EVC2: variants seen among roughly 807,000 people sequenced by gnomAD.
EVC2 encodes limbin.
In EVC2, 148 loss-of-function variants were observed where a neutral mutation model predicts 149.3. That is an observed-to-expected ratio of 0.99 (90% CI 0.87 to 1.14). EVC2 has a LOEUF of 1.14. EVC2 is among the 50% of genes most tolerant of loss of function. EVC2 has a pLI of 0.00. For missense variants in EVC2, 1,854 were observed against 1,627.3 expected, an observed-to-expected ratio of 1.14 and a Z score of -2.40; for synonymous variants, 776 against 649.9, an observed-to-expected ratio of 1.19 and a Z score of -2.95.
intron 7 of EVC2, among the ~76,000 whole-genome samples, chr4:5,674,681 G>A (rs1003827041): frequency 6.6e-6 from 1 of 152,200 alleles, no homozygotes; most frequent in African/African-American, 2.4e-5. Flanking sequence ...TGCAAAACCA[G>A]AGCGTAATGG....
At chr4:5,568,755 G>A (rs1722469521) in intron 19 of EVC2, 115 bp from the exon 20 acceptor site, 3 of 1,217,212 alleles carry the variant, frequency 2.5e-6, no homozygotes, top group Non-Finnish European at 3.5e-6. Flanking sequence ...TATTTCAGTA[G>A]CTTAGTCTGG....
rs188066558 is a variant in EVC2, at chr4:5,696,296, A to G, written c.283+1297T>C. Among the ~76,000 whole-genome samples the G allele has an allele frequency of 6.2e-4, 95 of 152,054 alleles. No individual in the cohort carries two copies. The highest frequency in any genetic ancestry group is 2.2e-3 in the African/African-American group (90 of 41,476). ...CTCCTGGTCCTCAGCTTTAATGAAGACTCCAAAGTGATCCCTCCCTTCAGA... is the reference window on the plus strand; with the variant it reads ...CTCCTGGTCCTCAGCTTTAATGAAGGCTCCAAAGTGATCCCTCCCTTCAGA... On this transcript the variant is annotated intron_variant, in intron 2 of 21. Transcript: ENST00000344408. The surrounding 1 kb of genome is among the most constrained non-coding windows in gnomAD (Gnocchi z 4.1).
intron 9 of EVC2, among the ~76,000 whole-genome samples, chr4:5,655,543 GC>G (rs1275428447): frequency 1.3e-5 from 2 of 152,056 alleles, no homozygotes; most frequent in East Asian, 3.9e-4. Context: ...AGTCTTAATG[GC>G]CCTTTAGACC....
intron 9 of EVC2, among the ~76,000 whole-genome samples, chr4:5,655,933 T>A (rs906509998): frequency 1.3e-5 from 2 of 152,164 alleles, no homozygotes; most frequent in Non-Finnish European, 2.9e-5. Flanking sequence ...TGAAGTGAGA[T>A]GGTTCAATTC....
At position 5,576,163 on chromosome 4, in the gene EVC2, G is replaced by C; in HGVS notation, c.3272+77C>G. 1 of 1,611,346 alleles carries C rather than the reference G, an allele frequency of 6.2e-7. No individual in the cohort carries two copies. Among genetic ancestry groups the C allele is most frequent in the Admixed American group, 1.7e-5 (1 of 60,026 alleles). On this transcript the variant is annotated intron_variant, in intron 18 of 21. Transcript: ENST00000344408. The surrounding 1 kb of genome is among the most constrained non-coding windows in gnomAD (Gnocchi z 4.5). ...GTGAGAGCCCAGGTGGGTATGGGTG[G>C]GCTGAGTTGGAGATGCCAGGTTCTC...
At chr4:5,554,553 A>T (rs796474098) in intron 21 of EVC2, among the ~76,000 whole-genome samples, 6 of 152,294 alleles carry the variant, frequency 3.9e-5, no homozygotes, top group African/African-American at 1.4e-4. Flanking sequence ...GCATTGTGTA[A>T]GTCTGAAGCA....
downstream of EVC2, among the ~76,000 whole-genome samples, chr4:5,559,494 C>T (rs565990317): frequency 6.6e-6 from 1 of 152,162 alleles, no homozygotes; most frequent in African/African-American, 2.4e-5. The surrounding 1 kb of genome is among the most constrained non-coding windows in gnomAD (Gnocchi z 5.0). Context: ...GAATCAGACT[C>T]CTTGGAGAAA....
At chr4:5,542,840 G>A in exon 23 of EVC2, 1 of 281,628 alleles carries the variant, frequency 3.6e-6, no homozygotes, top group Non-Finnish European at 7.0e-6. Flanking sequence ...TGTCAGCGCA[G>A]TGTGCCCACA....
At chr4:5,694,743 G>A (rs180801153) in intron 2 of EVC2, among the ~76,000 whole-genome samples, 2 of 152,306 alleles carry the variant, frequency 1.3e-5, no homozygotes, top group African/African-American at 4.8e-5. Context: ...CCTGGGTTGT[G>A]CAGCCCCACC....
At chr4:5,542,706 G>C (rs1721536817), downstream of EVC2, 1 of 163,364 alleles carries the variant, frequency 6.1e-6, no homozygotes, top group South Asian at 1.7e-4. Context: ...ACCCGACCTT[G>C]CAGAGCTGTT....
chr4:5,684,799 G>T (rs7669614), intron 6 of EVC2, among the ~76,000 whole-genome samples: 1 of 152,222 alleles, frequency 6.6e-6, no homozygotes, highest in South Asian at 2.1e-4. Flanking sequence ...GTAAAGTGAG[G>T]TTGCTAGGCT....
At chr4:5,672,421 A>T (rs1649708947) in intron 7 of EVC2, among the ~76,000 whole-genome samples, 1 of 152,134 alleles carries the variant, frequency 6.6e-6, no homozygotes, top group Non-Finnish European at 1.5e-5. Flanking sequence ...TAGAAAGACA[A>T]CTCTGGCCGC....
At chr4:5,578,041 G>GA (rs34899097) in intron 17 of EVC2, among the ~76,000 whole-genome samples, 75,183 of 151,946 alleles carry the variant, frequency 0.49, 21,015 homozygotes, top group East Asian at 0.86. Context: ...GAATGGAATA[G>GA]AGGTGGAAAT....
rs184672311 is a variant in EVC2 at position 5,682,148 on chromosome 4, T to C, written c.817-835A>G. On this transcript the variant is annotated intron_variant, in intron 6 of 21. Transcript: ENST00000344408. ...GGAATGCTATAAAATATTACTGCTATTGGTGGCTGTAGGTAGTAGTAGTAA... is the reference window on the plus strand; with the variant it reads ...GGAATGCTATAAAATATTACTGCTACTGGTGGCTGTAGGTAGTAGTAGTAA... 4.6e-5 allele frequency among the ~76,000 whole-genome samples: 7 copies of C among 152,294 alleles called. No homozygotes were observed. In the East Asian group the frequency reaches 1.3e-3, roughly 29 times the overall value.
chr4:5,690,797 C>T (rs1256796984), intron 4 of EVC2, among the ~76,000 whole-genome samples: 2 of 152,182 alleles, frequency 1.3e-5, no homozygotes, highest in Non-Finnish European at 2.9e-5. Flanking sequence ...CTGTAATGAA[C>T]TGTAACTGAG....
rs374176066 is a variant in EVC2, at chr4:5,704,632, A to G, written c.228+3654T>C. 2.5e-4 allele frequency among the ~76,000 whole-genome samples: 38 copies of G among 152,312 alleles called. No individual in the cohort carries two copies. The East Asian group carries it at 6.0e-3, about 24-fold the overall frequency. On this transcript the variant is annotated intron_variant, in intron 1 of 21. Transcript: ENST00000344408. ...CACTGAGTCCTGGGGTGCTCCGGCC[A>G]TTAAAGATCAAGTGAAGCACAGATA...
intron 9 of EVC2, among the ~76,000 whole-genome samples, chr4:5,641,319 T>C (rs916732870): frequency 6.6e-6 from 1 of 152,208 alleles, no homozygotes; most frequent in African/African-American, 2.4e-5. Flanking sequence ...TGATAACAAC[T>C]GATACATAAT....
At chr4:5,596,519 A>G (rs1713434135) in intron 16 of EVC2, among the ~76,000 whole-genome samples, 1 of 152,242 alleles carries the variant, frequency 6.6e-6, no homozygotes, top group African/African-American at 2.4e-5. Context: ...CTTTGAAACC[A>G]ACGAGAACAA....
At chr4:5,538,820 A>T, downstream of EVC2, among the ~76,000 whole-genome samples, 1 of 152,190 alleles carries the variant, frequency 6.6e-6, no homozygotes, top group East Asian at 1.9e-4. Context: ...GGAAACTTCC[A>T]TACAGTAAAG....
Sources: allele counts gnomAD v4.1 joint callset (sites outside exome capture counted in the v4.1 genomes callset), GRCh38; gene constraint gnomAD v4.1.1; non-coding constraint Gnocchi (gnomAD v3.1); transcripts MANE v1.5; gene names NCBI Gene and HGNC (gene_info 2026-07-23, HGNC 2026-07-21).